DNMT3B: variants seen among roughly 807,000 people sequenced by gnomAD.
DNMT3B encodes the protein DNA methyltransferase 3 beta, also known as DNA (cytosine-5)-methyltransferase 3B.
Under a neutral mutation model 120.2 loss-of-function variants are expected in DNMT3B, and 37 were observed. That is an observed-to-expected ratio of 0.31 (90% CI 0.24 to 0.40). The LOEUF (loss-of-function observed/expected upper bound fraction) is 0.40. Among genes scored for constraint, DNMT3B ranks in the 10% least tolerant of loss-of-function variants. DNMT3B has a pLI of 1.00. For synonymous variants in DNMT3B, 412 were observed against 442.8 expected, an observed-to-expected ratio of 0.93 and a Z score of 0.87; for missense variants, 878 against 1,137.3, an observed-to-expected ratio of 0.77 and a Z score of 3.28.
chr20:32,763,242 A>T (rs554016528), intron 1 of DNMT3B, among the ~76,000 whole-genome samples: 1 of 152,314 alleles, frequency 6.6e-6, no homozygotes, highest in South Asian at 2.1e-4. Flanking sequence ...CCCTTCCCCC[A>T]ATCCCAGCTT....
At chr20:32,789,749 G>A (rs932399464) in intron 7 of DNMT3B, among the ~76,000 whole-genome samples, 3 of 152,062 alleles carry the variant, frequency 2.0e-5, no homozygotes, top group East Asian at 1.9e-4. Context: ...ACCTGCCACC[G>A]CACCCTGCTA....
chr20:32,776,875 TGA>T (rs1988095334), intron 1 of DNMT3B, among the ~76,000 whole-genome samples: 1 of 151,618 alleles, frequency 6.6e-6, no homozygotes, highest in African/African-American at 2.4e-5. Flanking sequence ...GCTTCCAGGC[TGA>T]GAGAACACAG....
chr20:32,762,732 C>G lies in DNMT3B; in HGVS notation c.-7+33C>G, dbSNP rs907154703. ...CCCCGGGGCCCCGGGGAGGCTCGGCCGCCAGCTGCTTCGAGGGCTGCTAGG... is the reference window on the plus strand; with the variant it reads ...CCCCGGGGCCCCGGGGAGGCTCGGCGGCCAGCTGCTTCGAGGGCTGCTAGG... On this transcript the variant is annotated intron_variant, in intron 1 of 22. Transcript: ENST00000328111. 1.2e-4 allele frequency: 20 copies of G among 162,488 alleles called. No individual in the cohort carries two copies. The East Asian group carries it at 3.3e-3, about 27-fold the overall frequency. The allele number at this position is 162,488 out of a possible 1,614,324, so 10.1% of individuals were successfully genotyped here.
intron 6 of DNMT3B, 39 bp from the exon 7 acceptor site, chr20:32,788,815 T>C: frequency 6.2e-7 from 1 of 1,613,932 alleles, no homozygotes; most frequent in Non-Finnish European, 8.5e-7. Flanking sequence ...CAGGATGGCC[T>C]CTCCTCACTG....
chr20:32,789,893 C>T (rs1381718753), intron 7 of DNMT3B, among the ~76,000 whole-genome samples: 1 of 152,228 alleles, frequency 6.6e-6, no homozygotes, highest in Non-Finnish European at 1.5e-5. Context: ...CGCCTGGCCT[C>T]AACAAAGATT....
chr20:32,807,847 G>C lies in DNMT3B; in HGVS notation c.2506G>C (p.Val836Leu). The change falls in exon 23 of 23, where the codon GTG becomes CTG. Residue 836 changes from valine to leucine, a missense_variant. Val to Leu is a conservative substitution (Grantham distance 32). This residue lies in a region of DNMT3B where 334 missense variants were observed against 518.8 expected (regional missense o/e 0.64). Transcript: ENST00000328111. ...GAAGCTGCTGGGAAGGTCCTGGAGC[G>C]TGCCTGTCATCCGACACCTCTTCGC... ...RQKLLGRSWS[V>L]PVIRHLFAPL... 1 of 1,614,234 alleles carries C rather than the reference G, an allele frequency of 6.2e-7. No individual in the cohort carries two copies. The highest frequency in any genetic ancestry group is 1.1e-5 in the South Asian group (1 of 91,092).
At chr20:32,792,298 T>C (rs1246052937) in intron 8 of DNMT3B, among the ~76,000 whole-genome samples, 1 of 152,180 alleles carries the variant, frequency 6.6e-6, no homozygotes, top group Non-Finnish European at 1.5e-5. Flanking sequence ...GATGAGATAG[T>C]GCTGGCTGGG....
At chr20:32,769,055 A>G (rs950675675) in intron 1 of DNMT3B, among the ~76,000 whole-genome samples, 7 of 152,226 alleles carry the variant, frequency 4.6e-5, no homozygotes, top group African/African-American at 1.7e-4. Context: ...CAAAACTAGC[A>G]AGGAGTAGAA....
intron 20 of DNMT3B, 53 bp downstream of exon 20, chr20:32,802,523 A>G: frequency 6.5e-7 from 1 of 1,539,362 alleles, no homozygotes; most frequent in South Asian, 1.1e-5. Context: ...ATATGTGATA[A>G]CAAGCTCTGA....
Position 32,787,287 on chromosome 20 carries a change from TCTTAC to T in DNMT3B, c.497_501del (p.Leu166HisfsTer121). ...AACGCCATGGCCGTCCCCTCCCAGC[TCTTAC>T]CTTACCATCGACCTCACAGACGACA... is the stretch of plus-strand genomic sequence containing the variant. On this transcript the variant is annotated frameshift_variant, in exon 6 of 23. Transcript: ENST00000328111. LOFTEE classifies it high-confidence loss of function. 1 of 1,614,182 alleles carries T rather than the reference TCTTAC, an allele frequency of 6.2e-7. No homozygotes were observed.
rs1161730284 is a variant in DNMT3B, at chr20:32,773,934, G to GTTTTTTTTT, written c.-6-6366_-6-6358dup. Among the ~76,000 whole-genome samples the GTTTTTTTTT allele has an allele frequency of 3.5e-4, 24 of 69,152 alleles. 6 individuals carry two copies. Among genetic ancestry groups the GTTTTTTTTT allele is most frequent in the African/African-American group, 1.4e-3 (21 of 15,076 alleles). 45.4% of individuals were successfully genotyped at this position (69,152 alleles called of 152,430 possible). On this transcript the variant is annotated intron_variant, in intron 1 of 22. Transcript: ENST00000328111. ...GCATGAGCCACTGCGCCCGGCAGTG[G>GTTTTTTTTT]TTTTTTTTTTTTTTTTTTTTTTTTT...
chr20:32,793,339 T>C (rs1980212190), intron 9 of DNMT3B, among the ~76,000 whole-genome samples, 197 bp from the exon 10 acceptor site: 1 of 152,180 alleles, frequency 6.6e-6, no homozygotes, highest in South Asian at 2.1e-4. Flanking sequence ...GCTTGGCATG[T>C]GCCTGTGGTC....
Position 32,798,504 on chromosome 20 carries a change from C to T in DNMT3B, c.1535C>T (p.Thr512Ile), listed in dbSNP as rs768306131. The T allele has an allele frequency of 5.0e-6, 8 of 1,614,106 alleles. No individual in the cohort carries two copies. The highest frequency in any genetic ancestry group is 5.9e-6 in the Non-Finnish European group (7 of 1,180,050). The change falls in exon 15 of 23, where the codon ACA becomes ATA. Residue 512 changes from threonine to isoleucine, a missense_variant. Thr to Ile is a moderately conservative substitution (Grantham distance 89, BLOSUM62 -1). This residue lies in a region of DNMT3B where 334 missense variants were observed against 518.8 expected (regional missense o/e 0.64). Transcript: ENST00000328111. ...CTGGAGGTGCTGGTGGGCACAGGCA[C>T]AGCGGCCGAGGCCAAGCTTCAGGAG... ...ECLEVLVGTGTAAEAKLQEPW... is the reference protein window; with the variant it reads ...ECLEVLVGTGIAAEAKLQEPW...
Position 32,768,599 on chromosome 20 carries a change from C to T in DNMT3B, c.-7+5900C>T, listed in dbSNP as rs189134566. On this transcript the variant is annotated intron_variant, in intron 1 of 22. Transcript: ENST00000328111. ...AAGTGCTGGGATTACAGGTGTGAGC[C>T]ACCATGCCTGGTCCCTTGCCTGCCT... 3.7e-3 allele frequency among the ~76,000 whole-genome samples: 559 copies of T among 152,182 alleles called. 2 individuals are homozygous for T. The highest frequency in any genetic ancestry group is 0.014 in the Middle Eastern group (4 of 294).
rs1299500958 is a variant in DNMT3B at position 32,808,775 on chromosome 20, G to T, written c.*872G>T. 2.2e-5 allele frequency: 5 copies of T among 228,930 alleles called. No individual in the cohort carries two copies. The highest frequency in any genetic ancestry group is 6.2e-5 in the East Asian group (1 of 16,074). The allele number at this position is 228,930 out of a possible 1,614,324, so 14.2% of individuals were successfully genotyped here. A position where few individuals can be genotyped will look rare whatever the true frequency, so the allele number is the denominator to read the frequency against. ...AGAGGAGTGTGAAGCAAGGAGCTTA[G>T]ATAAGACACCCCCTCAAACCCATTC... On this transcript the variant is annotated 3_prime_UTR_variant, in exon 23 of 23. Transcript: ENST00000328111.
At chr20:32,803,414 T>C (rs1476696860) in intron 20 of DNMT3B, among the ~76,000 whole-genome samples, 1 of 152,076 alleles carries the variant, frequency 6.6e-6, no homozygotes. Flanking sequence ...CTTGGAGGAT[T>C]TTTGTTGGTC....
intron 13 of DNMT3B, 38 bp from the exon 14 acceptor site, chr20:32,797,149 G>A: frequency 6.2e-7 from 1 of 1,610,562 alleles, no homozygotes; most frequent in Non-Finnish European, 8.5e-7. Context: ...GCCCTTCTCT[G>A]GTCTCCGATT....
intron 19 of DNMT3B, among the ~76,000 whole-genome samples, chr20:32,801,985 A>G (rs1981398145): frequency 6.6e-6 from 1 of 151,964 alleles, no homozygotes; most frequent in South Asian, 2.1e-4. Flanking sequence ...ATGAGATTTG[A>G]CTCAATTTTT....
At chr20:32,784,401 T>C (rs1294677928) in intron 3 of DNMT3B, among the ~76,000 whole-genome samples, 1 of 152,178 alleles carries the variant, frequency 6.6e-6, no homozygotes, top group Non-Finnish European at 1.5e-5. Context: ...AATTTTAAAA[T>C]GAGGGAAATG....
Sources: gnomAD v4.1 joint callset for allele counts (sites outside exome capture counted in the v4.1 genomes callset) on GRCh38, gnomAD v4.1.1 for gene constraint, gnomAD v4.1.1 regional missense constraint, MANE v1.5 for transcripts, NCBI Gene and HGNC (gene_info 2026-07-23, HGNC 2026-07-21) for gene names.